The following NEBL variants were observed in gnomAD, a reference collection of about 807,000 sequenced individuals.
NEBL encodes the protein nebulette, also known as LIM and SH3 protein 2.
NEBL carries 122 observed loss-of-function variants against 140.2 expected under a neutral mutation model. The observed-to-expected ratio is 0.87, with a 90% CI of 0.75 to 1.01. The LOEUF (loss-of-function observed/expected upper bound fraction) is 1.01. Ranked by LOEUF, NEBL falls within the 50% of genes least tolerant of loss-of-function variation. The probability of loss-of-function intolerance (pLI) is 0.00; values close to 1 mark genes in which losing one functional copy is unlikely to be tolerated. For missense variants in NEBL, 1,365 were observed against 1,231.3 expected (o/e 1.11, Z -1.62); for synonymous variants, 436 against 398.9 (o/e 1.09, Z -1.11).
At chr10:21,253,894 G>A (rs1842621681) in intron 1 of NEBL, among the ~76,000 whole-genome samples, 1 of 152,026 alleles carries the variant, frequency 6.6e-6, no homozygotes, top group African/African-American at 2.4e-5. Flanking sequence ...GGAAGTCATT[G>A]TCAATGAGAT....
rs147660271 is a variant in NEBL at position 20,997,765 on chromosome 10, C to T, written c.249+22352G>A. On this transcript the variant is annotated intron_variant, in intron 3 of 6. Coordinates refer to the NEBL transcript ENST00000417816. ...TCAGTAGTATAGCAATAACTGAAAACATTAGATGCTTGAGATAGGATCCTA... is the reference window on the plus strand; with the variant it reads ...TCAGTAGTATAGCAATAACTGAAAATATTAGATGCTTGAGATAGGATCCTA... Among the ~76,000 whole-genome samples the T allele has an allele frequency of 3.7e-4, 56 of 152,076 alleles. 1 individual carries two copies. In the South Asian group the frequency reaches 8.3e-3, roughly 23 times the overall value.
At position 21,083,554 on chromosome 10, in the gene NEBL, C is replaced by T. The variant is rs779315463; in HGVS notation, c.165-63353G>A. 3.9e-4 allele frequency among the ~76,000 whole-genome samples: 59 copies of T among 152,262 alleles called. No individual in the cohort carries two copies. The Middle Eastern group carries it at 0.01, about 26-fold the overall frequency. On this transcript the variant is annotated intron_variant, in intron 2 of 6. Transcript: ENST00000417816. ...TCATCAGCCACTATATACCGCTCCT[C>T]TCAGAGAAGTCCTCGGTGGAAGAGA... is the stretch of plus-strand genomic sequence containing the variant.
At chr10:21,038,201 A>T (rs1834096708) in intron 2 of NEBL, among the ~76,000 whole-genome samples, 1 of 152,140 alleles carries the variant, frequency 6.6e-6, no homozygotes, top group Admixed American at 6.6e-5. Flanking sequence ...CTCCCTCCAT[A>T]TATTTTTTTT....
At chr10:20,984,775 C>T (rs997537508) in intron 3 of NEBL, among the ~76,000 whole-genome samples, 71 of 152,176 alleles carry the variant, frequency 4.7e-4, no homozygotes, top group Admixed American at 1.9e-3. Flanking sequence ...TGCTAGGAGC[C>T]GGGCTGCACA....
At chr10:20,845,531 T>C (rs753747476) in intron 11 of NEBL, 163 bp from the exon 12 acceptor site, 32 of 580,208 alleles carry the variant, frequency 5.5e-5, no homozygotes, top group Non-Finnish European at 8.9e-5. Context: ...TTGTCATAAA[T>C]TTTAGAATTC....
intron 2 of NEBL, among the ~76,000 whole-genome samples, chr10:21,027,210 G>A (rs531537979): frequency 2.0e-5 from 3 of 151,986 alleles, no homozygotes; most frequent in African/African-American, 7.2e-5. Flanking sequence ...AACTGAGGAT[G>A]TTCTTGGGGA....
At chr10:21,017,254 T>C (rs1410645562) in intron 3 of NEBL, among the ~76,000 whole-genome samples, 2 of 152,212 alleles carry the variant, frequency 1.3e-5, no homozygotes, top group Non-Finnish European at 2.9e-5. Flanking sequence ...AATTATGTCC[T>C]TGGAATACAG....
At chr10:20,813,687 C>G in intron 23 of NEBL, 2 of 436,396 alleles carry the variant, frequency 4.6e-6, no homozygotes, top group Non-Finnish European at 8.4e-6. Flanking sequence ...AAATATCTTT[C>G]ACACTATGAG....
chr10:20,844,896 T>C (rs1286134149), intron 12 of NEBL, among the ~76,000 whole-genome samples: 1 of 152,080 alleles, frequency 6.6e-6, no homozygotes, highest in Non-Finnish European at 1.5e-5. Context: ...TTATAATAAC[T>C]AAATTTGAAA....
intron 2 of NEBL, among the ~76,000 whole-genome samples, chr10:21,038,279 T>C (rs2131823557): frequency 6.6e-6 from 1 of 152,296 alleles, no homozygotes; most frequent in Non-Finnish European, 1.5e-5. Context: ...GTGCCATGGT[T>C]GTTTGCTGCA....
intron 3 of NEBL, among the ~76,000 whole-genome samples, chr10:21,186,377 A>T (rs894439105): frequency 1.3e-5 from 2 of 151,388 alleles, no homozygotes; most frequent in African/African-American, 4.9e-5. Context: ...GACCCTAGGG[A>T]GGGGACTAGG....
intron 3 of NEBL, among the ~76,000 whole-genome samples, chr10:21,227,684 TTC>T (rs1201879524): frequency 9.7e-5 from 9 of 93,094 alleles, no homozygotes; most frequent in South Asian, 3.7e-4. Context: ...CTTCTTCTTC[TTC>T]TTCTTCTTCT....
At chr10:21,007,160 C>A (rs1838168394) in intron 3 of NEBL, among the ~76,000 whole-genome samples, 1 of 151,984 alleles carries the variant, frequency 6.6e-6, no homozygotes, top group African/African-American at 2.4e-5. Flanking sequence ...TTGAGGGGAC[C>A]CAATAAACAC....
intron 2 of NEBL, among the ~76,000 whole-genome samples, chr10:21,082,761 ATTTTT>A (rs71392113): frequency 9.1e-6 from 1 of 109,546 alleles, no homozygotes; most frequent in Admixed American, 1.1e-4. Context: ...GGAGGGATGC[ATTTTT>A]TTTTTTTTTT....
intron 11 of NEBL, among the ~76,000 whole-genome samples, chr10:20,846,344 T>C (rs1268868455): frequency 1.3e-5 from 2 of 152,210 alleles, no homozygotes; most frequent in Non-Finnish European, 2.9e-5. Context: ...AGAAGCTGTT[T>C]CCAGGTTGAT....
Position 21,126,868 on chromosome 10 carries a change from A to G in NEBL, c.164+45515T>C, listed in dbSNP as rs112177736. Among the ~76,000 whole-genome samples, 84 of 151,516 alleles carry G rather than the reference A, an allele frequency of 5.5e-4. No individual in the cohort carries two copies. The Middle Eastern group carries it at 0.01, about 18-fold the overall frequency. ...TGCACACCTGTAATCCCAGCTACTC[A>G]GGAGGCTAAGGCAGGGGAATCGCTT... On this transcript the variant is annotated intron_variant, in intron 2 of 6. Coordinates refer to the NEBL transcript ENST00000417816.
At chr10:20,905,368 G>T (rs1358793432) in intron 4 of NEBL, among the ~76,000 whole-genome samples, 1 of 152,168 alleles carries the variant, frequency 6.6e-6, no homozygotes, top group Non-Finnish European at 1.5e-5. Flanking sequence ...GTTTTGCATG[G>T]CTGGGGAGGC....
rs951355899 is a variant in NEBL, at chr10:20,892,473, G to A, written c.154-2524C>T. On this transcript the variant is annotated intron_variant, in intron 2 of 27. Coordinates refer to ENST00000377122, the MANE Select transcript of NEBL (RefSeq NM_006393.3). The stretch of plus-strand genomic sequence containing the variant: ...TACCCAGCCTGAACTACCTACCTCC[G>A]GGCTTTATATGTGGAGGCTGGGGAA... Among the ~76,000 whole-genome samples, 52 of 152,230 alleles carry A rather than the reference G, an allele frequency of 3.4e-4. 1 individual carries two copies. Among genetic ancestry groups the A allele is most frequent in the Admixed American group, 3.2e-3 (49 of 15,286 alleles).
chr10:21,257,842 G>A (rs775773143), intron 1 of NEBL, among the ~76,000 whole-genome samples: 1 of 151,520 alleles, frequency 6.6e-6, no homozygotes, highest in Non-Finnish European at 1.5e-5. Context: ...CCTGGATCGC[G>A]CCACTGCACT....
Sources: allele counts gnomAD v4.1 joint callset (sites outside exome capture counted in the v4.1 genomes callset), GRCh38; gene constraint gnomAD v4.1.1; transcripts MANE v1.5; gene names NCBI Gene and HGNC (gene_info 2026-07-23, HGNC 2026-07-21).